ASIC2: variants seen among roughly 807,000 people sequenced by gnomAD.
ASIC2 encodes acid-sensing ion channel 2.
Under a neutral mutation model 57.3 loss-of-function variants are expected in ASIC2, and 25 were observed. That is an observed-to-expected ratio of 0.44 (90% CI 0.32 to 0.61). ASIC2 has a LOEUF of 0.61. ASIC2 is among the 20% of genes least tolerant of loss of function. The pLI is 0.06. For synonymous variants in ASIC2, 319 were observed against 307.5 expected (o/e 1.04, Z -0.39); for missense variants, 641 against 738.1 (o/e 0.87, Z 1.52).
At chr17:33,917,501 A>C (rs1915608579) in intron 1 of ASIC2, among the ~76,000 whole-genome samples, 1 of 151,984 alleles carries the variant, frequency 6.6e-6, no homozygotes, top group Admixed American at 6.6e-5. Flanking sequence ...TATATTTCTC[A>C]ACACCATACC....
At chr17:34,081,755 T>C (rs1415114599) in intron 1 of ASIC2, among the ~76,000 whole-genome samples, 1 of 152,232 alleles carries the variant, frequency 6.6e-6, no homozygotes, top group Non-Finnish European at 1.5e-5. Flanking sequence ...CCTGCTACAT[T>C]CTTGGCTCTC....
intron 1 of ASIC2, among the ~76,000 whole-genome samples, chr17:33,356,752 T>C (rs1908390521): frequency 6.6e-6 from 1 of 152,106 alleles, no homozygotes; most frequent in Admixed American, 6.5e-5. Context: ...AAGATCTCAT[T>C]ATGTAATTAG....
chr17:33,530,695 C>G (rs9916645), intron 1 of ASIC2, among the ~76,000 whole-genome samples: 3 of 152,168 alleles, frequency 2.0e-5, no homozygotes, highest in Non-Finnish European at 2.9e-5. Flanking sequence ...TACTGATAAA[C>G]AGCTCATAGT....
At chr17:33,343,547 G>A in intron 1 of ASIC2, among the ~76,000 whole-genome samples, 1 of 152,182 alleles carries the variant, frequency 6.6e-6, no homozygotes, top group Non-Finnish European at 1.5e-5. Context: ...GACATGGGGG[G>A]AGTCTACGGC....
intron 2 of ASIC2, among the ~76,000 whole-genome samples, chr17:33,099,067 A>G (rs1005967452): frequency 2.0e-5 from 3 of 151,858 alleles, no homozygotes; most frequent in African/African-American, 7.3e-5. Flanking sequence ...ATCTTGGCTC[A>G]CTGCAACCTC....
intron 1 of ASIC2, among the ~76,000 whole-genome samples, chr17:33,921,912 C>T (rs1220060085): frequency 1.3e-5 from 2 of 152,120 alleles, no homozygotes. Context: ...GCAGCCCCTC[C>T]CTACCTCCAA....
intron 1 of ASIC2, chr17:34,118,855 G>A (rs1911507887): frequency 6.6e-6 from 1 of 152,284 alleles, no homozygotes; most frequent in Non-Finnish European, 1.5e-5. Flanking sequence ...AATTTCTGGA[G>A]CAGCTTCAAG....
At chr17:34,139,322 A>T (rs1293291757) in intron 1 of ASIC2, among the ~76,000 whole-genome samples, 1 of 152,232 alleles carries the variant, frequency 6.6e-6, no homozygotes, top group African/African-American at 2.4e-5. Context: ...CAGGGAAGGG[A>T]GGAGCAAATT....
intron 1 of ASIC2, among the ~76,000 whole-genome samples, chr17:33,659,061 AG>A (rs1397911370): frequency 6.6e-6 from 1 of 152,178 alleles, no homozygotes; most frequent in African/African-American, 2.4e-5. Context: ...CCATCACAAT[AG>A]GGAATAGATT....
intron 1 of ASIC2, among the ~76,000 whole-genome samples, chr17:33,430,822 C>T (rs182229247): frequency 2.0e-5 from 3 of 152,270 alleles, no homozygotes; most frequent in African/African-American, 7.2e-5. Context: ...GAATTTCATT[C>T]TCTACATAAA....
intron 1 of ASIC2, among the ~76,000 whole-genome samples, chr17:33,664,479 A>G (rs749147339): frequency 6.6e-6 from 1 of 152,208 alleles, no homozygotes; most frequent in African/African-American, 2.4e-5. Context: ...AGATGATCCA[A>G]TGAGAGCTGA....
intron 1 of ASIC2, among the ~76,000 whole-genome samples, chr17:34,046,618 C>A (rs568174327): frequency 2.0e-5 from 3 of 152,234 alleles, no homozygotes; most frequent in African/African-American, 7.2e-5. Flanking sequence ...GCCCTCCTCC[C>A]ACACCAGTAC....
At chr17:33,670,035 T>C (rs1012027324) in intron 1 of ASIC2, among the ~76,000 whole-genome samples, 5 of 152,156 alleles carry the variant, frequency 3.3e-5, no homozygotes, top group Admixed American at 1.3e-4. Flanking sequence ...TAGGTACTCA[T>C]GCAAGGCTGA....
chr17:33,429,012 G>A (rs958390635), intron 1 of ASIC2, among the ~76,000 whole-genome samples: 2 of 152,160 alleles, frequency 1.3e-5, no homozygotes, highest in East Asian at 3.9e-4. Flanking sequence ...TAGAAAGGGA[G>A]TCCTAGCAGA....
intron 1 of ASIC2, among the ~76,000 whole-genome samples, chr17:33,281,146 A>C (rs1324212538): frequency 1.3e-5 from 2 of 152,218 alleles, no homozygotes; most frequent in Non-Finnish European, 2.9e-5. Flanking sequence ...TGTGACCTTG[A>C]GCAACTCAAT....
intron 1 of ASIC2, chr17:34,039,932 A>C: frequency 6.9e-7 from 1 of 1,449,368 alleles, no homozygotes; most frequent in East Asian, 2.3e-5. Flanking sequence ...CCCCGACCCG[A>C]CCCGGCTGCG....
At position 33,293,047 on chromosome 17, in the gene ASIC2, C is replaced by T. The variant is rs1905570279; in HGVS notation, c.-932G>A. On this transcript the variant is annotated 5_prime_UTR_variant, in exon 1 of 10. Coordinates refer to ENST00000225823, the MANE Select transcript of ASIC2 (RefSeq NM_183377.2). ...CTCTCGCGTCTTCTCTCTGCCCCCG[C>T]GGCGACAAGAGCTGGGGACTGCGGG... is the stretch of plus-strand genomic sequence containing the variant. 9 of 985,392 alleles carry T rather than the reference C, an allele frequency of 9.1e-6. No homozygotes were observed. Among genetic ancestry groups the T allele is most frequent in the Admixed American group, 6.1e-5 (1 of 16,280 alleles). The allele number at this position is 985,392 out of a possible 1,614,324, so 61.0% of individuals were successfully genotyped here.
intron 1 of ASIC2, among the ~76,000 whole-genome samples, chr17:33,747,014 A>G (rs950877268): frequency 1.3e-5 from 2 of 152,196 alleles, no homozygotes; most frequent in Non-Finnish European, 2.9e-5. Flanking sequence ...AAGACACAAG[A>G]TACAGACTTG....
chr17:33,481,491 G>A (rs749262851), intron 1 of ASIC2, among the ~76,000 whole-genome samples: 74 of 149,674 alleles, frequency 4.9e-4, no homozygotes, highest in Non-Finnish European at 8.3e-4. Flanking sequence ...CTCCCTCTGT[G>A]GGGAGGTTGC....
Sources: gnomAD v4.1 joint callset for allele counts (sites outside exome capture counted in the v4.1 genomes callset) on GRCh38, gnomAD v4.1.1 for gene constraint, MANE v1.5 for transcripts, NCBI Gene and HGNC (gene_info 2026-07-23, HGNC 2026-07-21) for gene names.